FMN2: variants seen among roughly 807,000 people sequenced by gnomAD.
FMN2 encodes formin-2.
In FMN2, 51 loss-of-function variants were observed where a neutral mutation model predicts 142.3. The observed-to-expected ratio is 0.36, with a 90% CI of 0.29 to 0.45. The LOEUF (loss-of-function observed/expected upper bound fraction) is 0.45. Ranked by LOEUF, FMN2 falls within the 20% of genes least tolerant of loss-of-function variation. FMN2 has a pLI of 1.00. For synonymous variants in FMN2, 882 were observed against 869.8 expected, an observed-to-expected ratio of 1.01 and a Z score of -0.25; for missense variants, 1,936 against 2,122.8, an observed-to-expected ratio of 0.91 and a Z score of 1.73.
chr1:240,387,601 T>C (rs1673448377), intron 14 of FMN2, among the ~76,000 whole-genome samples: 1 of 152,218 alleles, frequency 6.6e-6, no homozygotes, highest in African/African-American at 2.4e-5. Flanking sequence ...TTAAATATAT[T>C]TTAAAGCAAT....
intron 6 of FMN2, among the ~76,000 whole-genome samples, chr1:240,237,232 T>C (rs910887807): frequency 2.0e-5 from 3 of 152,202 alleles, no homozygotes; most frequent in African/African-American, 7.2e-5. Flanking sequence ...TCCCTGTTGA[T>C]GGTTCTTGTG....
chr1:240,374,272 A>G (rs1672968525), intron 14 of FMN2, among the ~76,000 whole-genome samples: 1 of 152,208 alleles, frequency 6.6e-6, no homozygotes, highest in Non-Finnish European at 1.5e-5. Flanking sequence ...GAAATGATCA[A>G]TCAGCACTCA....
At chr1:240,161,301 G>A (rs958671936) in intron 2 of FMN2, among the ~76,000 whole-genome samples, 8 of 152,028 alleles carry the variant, frequency 5.3e-5, no homozygotes, top group Admixed American at 2.6e-4. Context: ...GGAGGCCGAG[G>A]CAGGCGGAAT....
At chr1:240,106,187 T>C (rs758598642) in intron 1 of FMN2, among the ~76,000 whole-genome samples, 5 of 152,200 alleles carry the variant, frequency 3.3e-5, no homozygotes, top group Admixed American at 6.5e-5. Flanking sequence ...TAGATTGCCT[T>C]CTGCCTTTTG....
chr1:240,282,135 T>A (rs1286602344), intron 7 of FMN2, among the ~76,000 whole-genome samples: 1 of 152,190 alleles, frequency 6.6e-6, no homozygotes, highest in Non-Finnish European at 1.5e-5. Flanking sequence ...AGGAGTTACC[T>A]CTAATCTTTA....
chr1:240,337,143 C>A (rs115907749), intron 13 of FMN2, among the ~76,000 whole-genome samples: 2 of 144,898 alleles, frequency 1.4e-5, no homozygotes, highest in Non-Finnish European at 1.5e-5. Context: ...ATTTTAGGAA[C>A]AATTACTTTG....
At chr1:240,399,387 T>C (rs1673895712) in intron 15 of FMN2, among the ~76,000 whole-genome samples, 1 of 152,156 alleles carries the variant, frequency 6.6e-6, no homozygotes, top group South Asian at 2.1e-4. Flanking sequence ...AATTGTTCTA[T>C]GGACTTGCAG....
intron 1 of FMN2, among the ~76,000 whole-genome samples, chr1:240,116,018 G>GGC (rs1166277132): frequency 6.6e-6 from 1 of 152,186 alleles, no homozygotes; most frequent in African/African-American, 2.4e-5. Flanking sequence ...AAACTGTCCT[G>GGC]GCGCTGGCGG....
chr1:240,203,720 G>A (rs1341073701), intron 4 of FMN2, among the ~76,000 whole-genome samples: 1 of 152,140 alleles, frequency 6.6e-6, no homozygotes. Flanking sequence ...ATAATACCTA[G>A]GTGATGGGTT....
chr1:240,471,393 G>T (rs992908594), intron 16 of FMN2, among the ~76,000 whole-genome samples: 1 of 147,946 alleles, frequency 6.8e-6, no homozygotes, highest in Non-Finnish European at 1.5e-5. Context: ...ACGGAGTCTC[G>T]CTCTGTCACC....
intron 3 of FMN2, chr1:240,180,179 AG>A (rs762119169): frequency 1.6e-5 from 21 of 1,281,990 alleles, no homozygotes; most frequent in Non-Finnish European, 4.1e-6. Flanking sequence ...AGGATGATGG[AG>A]GTAAGAAGTA....
At chr1:240,323,876 A>T (rs1671063745) in intron 8 of FMN2, among the ~76,000 whole-genome samples, 2 of 152,160 alleles carry the variant, frequency 1.3e-5, no homozygotes, top group South Asian at 4.1e-4. Context: ...GGTTCTCTTC[A>T]TGTCTGACTT....
chr1:240,094,771 TAA>T (rs1661141707), intron 1 of FMN2, among the ~76,000 whole-genome samples: 1 of 152,248 alleles, frequency 6.6e-6, no homozygotes, highest in African/African-American at 2.4e-5. Context: ...CTGAAAATTT[TAA>T]AATCTTATGT....
intron 2 of FMN2, chr1:240,171,329 A>T (rs1664694208): frequency 3.0e-6 from 2 of 668,232 alleles, no homozygotes; most frequent in African/African-American, 1.8e-5. Flanking sequence ...TCCTGTCGTG[A>T]TGTGATGGGA....
rs1233218686 is a variant in FMN2 at position 240,271,098 on chromosome 1, G to GCTTTTTTT, written c.4153+13066_4153+13067insCTTTTTTT. Reference sequence around the variant, plus strand: ...ACCCCCCTAGGAACTTTCCACGATGGTTTTTTTTTTTTTTTTTTTGTGACT... The same window carrying GCTTTTTTT: ...ACCCCCCTAGGAACTTTCCACGATGGCTTTTTTTTTTTTTTTTTTTTTTTTTTGTGACT... On this transcript the variant is annotated intron_variant, in intron 7 of 17. Coordinates refer to ENST00000319653, the MANE Select transcript of FMN2 (RefSeq NM_020066.5). 2.7e-3 allele frequency among the ~76,000 whole-genome samples: 192 copies of GCTTTTTTT among 72,212 alleles called. 2 individuals are homozygous for GCTTTTTTT. Among genetic ancestry groups the GCTTTTTTT allele is most frequent in the African/African-American group, 0.012 (187 of 15,086 alleles). The allele number at this position is 72,212 out of a possible 152,430, so 47.4% of individuals were successfully genotyped here.
intron 4 of FMN2, among the ~76,000 whole-genome samples, chr1:240,191,935 TTATC>T (rs886980790): frequency 7.2e-5 from 11 of 152,170 alleles, no homozygotes; most frequent in African/African-American, 2.7e-4. Flanking sequence ...ATTATAATAT[TTATC>T]ATTTATCAAT....
intron 8 of FMN2, among the ~76,000 whole-genome samples, chr1:240,295,679 G>T (rs560953677): frequency 2.4e-4 from 37 of 152,242 alleles, no homozygotes; most frequent in Non-Finnish European, 3.5e-4. Flanking sequence ...GATGGACACT[G>T]GTTGGTTTTA....
In FMN2 at chr1:240,274,990, CT is replaced by C. The variant is rs1669144001; in HGVS notation, c.4153+16963del. Among the ~76,000 whole-genome samples the C allele has an allele frequency of 3.3e-5, 5 of 151,358 alleles. No individual in the cohort carries two copies. In the South Asian group the frequency reaches 1.0e-3, roughly 32 times the overall value. Reference sequence around the variant, plus strand: ...GTGATTTGGAGACTACAGGTGTAGACTTTTTGCTGAGACAAAGTGCATGAAC... The same window carrying C: ...GTGATTTGGAGACTACAGGTGTAGACTTTTGCTGAGACAAAGTGCATGAAC... On this transcript the variant is annotated intron_variant, in intron 7 of 17. Coordinates refer to ENST00000319653, the MANE Select transcript of FMN2 (RefSeq NM_020066.5).
At chr1:240,353,741 G>A (rs148121109) in intron 13 of FMN2, among the ~76,000 whole-genome samples, 2 of 152,222 alleles carry the variant, frequency 1.3e-5, no homozygotes, top group East Asian at 1.9e-4. Context: ...GGATTGAATG[G>A]GACAGTACAG....
Sources: allele counts gnomAD v4.1 joint callset (sites outside exome capture counted in the v4.1 genomes callset), GRCh38; gene constraint gnomAD v4.1.1; transcripts MANE v1.5; gene names NCBI Gene and HGNC (gene_info 2026-07-23, HGNC 2026-07-21).